TRAP1: variants seen among roughly 807,000 people sequenced by gnomAD.
The protein encoded by TRAP1 is heat shock protein 75 kDa, mitochondrial.
Under a neutral mutation model 89.1 loss-of-function variants are expected in TRAP1, and 102 were observed. The ratio of observed to expected loss-of-function variants is 1.15; its 90% confidence interval spans 0.98 to 1.35. The LOEUF is 1.35. Among genes scored for constraint, TRAP1 ranks in the 40% most tolerant of loss-of-function variants. TRAP1 has a pLI of 0.00. For missense variants in TRAP1, 1,256 were observed against 945.3 expected (o/e 1.33, Z -4.31); for synonymous variants, 508 against 388.0 (o/e 1.31, Z -3.64).
In TRAP1 at chr16:3,717,489, G is replaced by C; in HGVS notation, c.20C>G (p.Ala7Gly). The C allele has an allele frequency of 7.4e-7, 1 of 1,343,174 alleles. No individual in the cohort carries two copies. The highest frequency in any genetic ancestry group is 1.8e-5 in the South Asian group (1 of 54,952). 83.2% of individuals were successfully genotyped at this position (1,343,174 alleles called of 1,614,324 possible). A position where few individuals can be genotyped will look rare whatever the true frequency, so the allele number is the denominator to read the frequency against. Residue 7 changes from alanine to glycine, a missense_variant, in exon 1 of 18, where the codon GCG becomes GGG. Transcript: ENST00000246957. ...CAGGCGGCGGCCCCACAGCAGCAGC[G>C]CCCGCAGCTCGCGCGCCATGTCGTA... MARELR[A>G]LLLWGRRLRP...
chr16:3,663,612 C>G (rs1182547543), intron 13 of TRAP1, 50 bp from the exon 14 acceptor site: 2 of 1,608,330 alleles, frequency 1.2e-6, no homozygotes, highest in East Asian at 4.5e-5. Flanking sequence ...CCTCCAGCCA[C>G]CACAGAAGAA....
At chr16:3,691,478 T>C (rs896713314) in intron 1 of TRAP1, among the ~76,000 whole-genome samples, 2 of 152,146 alleles carry the variant, frequency 1.3e-5, no homozygotes, top group African/African-American at 4.8e-5. Context: ...GCCTTGGCCT[T>C]ACAAAGAGCT....
intron 11 of TRAP1, among the ~76,000 whole-genome samples, chr16:3,669,127 C>T (rs936097933): frequency 1.3e-5 from 2 of 152,228 alleles, no homozygotes; most frequent in African/African-American, 4.8e-5. Context: ...GTGGGGACAA[C>T]TCCAGCACCA....
intron 11 of TRAP1, among the ~76,000 whole-genome samples, chr16:3,666,448 G>C (rs1482272454): frequency 6.6e-6 from 1 of 151,974 alleles, no homozygotes; most frequent in East Asian, 1.9e-4. Flanking sequence ...AAACATGTGA[G>C]CACACCAAGA....
At chr16:3,685,463 C>A (rs534286025) in intron 4 of TRAP1, among the ~76,000 whole-genome samples, 1 of 152,190 alleles carries the variant, frequency 6.6e-6, no homozygotes, top group East Asian at 1.9e-4. Flanking sequence ...GTCTGTCCAC[C>A]TCTCCACAGA....
At chr16:3,703,509 T>C (rs973988901) in intron 1 of TRAP1, among the ~76,000 whole-genome samples, 28 of 151,952 alleles carry the variant, frequency 1.8e-4, no homozygotes, top group Admixed American at 1.8e-3. Context: ...ATACATGTTA[T>C]GTGATACATG....
At chr16:3,701,425 C>T (rs561700550) in intron 1 of TRAP1, among the ~76,000 whole-genome samples, 35 of 152,096 alleles carry the variant, frequency 2.3e-4, no homozygotes, top group Admixed American at 5.3e-4. Flanking sequence ...CAGTAGCTCA[C>T]GCCTGTAATC....
At chr16:3,669,160 C>A (rs1211512793) in intron 11 of TRAP1, among the ~76,000 whole-genome samples, 1 of 152,210 alleles carries the variant, frequency 6.6e-6, no homozygotes, top group Non-Finnish European at 1.5e-5. Flanking sequence ...CGGGAGTCAG[C>A]CCCAAGCCCT....
intron 1 of TRAP1, among the ~76,000 whole-genome samples, chr16:3,713,275 G>A (rs528745284): frequency 6.6e-5 from 10 of 152,308 alleles, no homozygotes; most frequent in African/African-American, 2.4e-4. Context: ...AGCAGAGGGA[G>A]GAGGCAAAAC....
chr16:3,710,879 A>ATATTTTTTTTTTT (rs71133652), intron 1 of TRAP1, among the ~76,000 whole-genome samples: 3 of 125,832 alleles, frequency 2.4e-5, no homozygotes, highest in African/African-American at 6.5e-5. Context: ...ATATATATAT[A>ATATTTTTTTTTTT]TTTTTTTTTT....
intron 1 of TRAP1, among the ~76,000 whole-genome samples, chr16:3,703,454 G>C (rs563422798): frequency 6.6e-6 from 1 of 151,988 alleles, no homozygotes; most frequent in Admixed American, 6.6e-5. Context: ...AAACACTAGA[G>C]GTAGAACAGC....
intron 1 of TRAP1, among the ~76,000 whole-genome samples, chr16:3,707,819 A>G (rs2051470464): frequency 1.4e-5 from 2 of 147,888 alleles, no homozygotes; most frequent in Non-Finnish European, 3.0e-5. Context: ...GTGCCACTGC[A>G]CTCCAGCCTG....
Position 3,674,476 on chromosome 16 carries a change from G to A in TRAP1, c.907C>T (p.Pro303Ser), listed in dbSNP as rs1567230339. The change falls in exon 9 of 18, where the codon CCC becomes TCC. Residue 303 changes from proline to serine, a missense_variant. Physicochemically the swap from Pro to Ser is moderately conservative, Grantham distance 74 (BLOSUM62 -1). Coordinates refer to ENST00000246957, the MANE Select transcript of TRAP1 (RefSeq NM_016292.3). Reference protein sequence around the residue: ...NTLQAIWMMDPKDVREWQHEE... With the variant: ...NTLQAIWMMDSKDVREWQHEE... ...TGTTGCCACTCACGGACATCCTTGG[G>A]GTCCATCATCCAGATGGCCTGGAAA... 4.3e-6 allele frequency: 7 copies of A among 1,613,968 alleles called. No homozygotes were observed. In the South Asian group the frequency reaches 6.6e-5, roughly 15 times the overall value.
intron 4 of TRAP1, among the ~76,000 whole-genome samples, chr16:3,684,697 C>T (rs907225119): frequency 1.3e-5 from 2 of 151,962 alleles, no homozygotes; most frequent in Non-Finnish European, 2.9e-5. Flanking sequence ...AGCTGAGGCA[C>T]GAGAGTTGCT....
intron 1 of TRAP1, 163 bp from the exon 2 acceptor site, chr16:3,691,148 G>A (rs1417522436): frequency 6.8e-6 from 4 of 590,290 alleles, no homozygotes; most frequent in Non-Finnish European, 1.1e-5. Context: ...CAGTGTCAGG[G>A]TGTGGTTTTG....
intron 4 of TRAP1, among the ~76,000 whole-genome samples, chr16:3,682,289 A>G (rs776977092): frequency 2.0e-5 from 3 of 151,700 alleles, no homozygotes; most frequent in Non-Finnish European, 4.4e-5. Context: ...AACAGCTCAC[A>G]TCTGTAATCC....
At chr16:3,670,028 G>A (rs1265152058) in intron 11 of TRAP1, among the ~76,000 whole-genome samples, 4 of 151,870 alleles carry the variant, frequency 2.6e-5, no homozygotes, top group East Asian at 3.9e-4. Context: ...ATGGGAAGTG[G>A]TGCAAATAAA....
chr16:3,685,973 C>G lies in TRAP1; in HGVS notation c.471+23G>C, dbSNP rs368293190. The G allele has an allele frequency of 3.1e-6, 5 of 1,611,176 alleles. No homozygotes were observed. The Admixed American group carries it at 5.0e-5, about 16-fold the overall frequency. On this transcript the variant is annotated intron_variant, in intron 4 of 17. Transcript: ENST00000246957. ...TTGCTGCATGGCCGGGCCTGCCACA[C>G]GCCTGGACACTGAGGGAGGTACCTG...
intron 9 of TRAP1, 47 bp from the exon 10 acceptor site, chr16:3,672,867 G>T (rs754147164): frequency 6.4e-7 from 1 of 1,572,914 alleles, no homozygotes; most frequent in Admixed American, 1.8e-5. Context: ...ACCCTCCCCA[G>T]GCAGGCCCTG....
Sources: allele counts gnomAD v4.1 joint callset (sites outside exome capture counted in the v4.1 genomes callset), GRCh38; gene constraint gnomAD v4.1.1; transcripts MANE v1.5; gene names NCBI Gene and HGNC (gene_info 2026-07-23, HGNC 2026-07-21).